Variants in RPN2 observed in about 807,000 individuals in gnomAD.
The protein encoded by RPN2 is dolichyl-diphosphooligosaccharide--protein glycosyltransferase subunit 2.
In RPN2, 29 loss-of-function variants were observed where a neutral mutation model predicts 71.4. That is an observed-to-expected ratio of 0.41 (90% CI 0.30 to 0.55). RPN2 has a LOEUF of 0.55. Among genes scored for constraint, RPN2 ranks in the 20% least tolerant of loss-of-function variants. The pLI, the probability that RPN2 is intolerant of heterozygous loss-of-function variation, is 0.35. For synonymous variants in RPN2, 308 were observed against 305.0 expected (o/e 1.01, Z -0.10); for missense variants, 726 against 774.1 (o/e 0.94, Z 0.74).
At chr20:37,200,601 C>G (rs1159489063) in intron 4 of RPN2, 1 of 470,660 alleles carries the variant, frequency 2.1e-6, no homozygotes, top group African/African-American at 2.0e-5. Context: ...AAACTTAAAG[C>G]TTTGTTAAGG....
At chr20:37,224,379 T>C (rs1568992157) in intron 10 of RPN2, among the ~76,000 whole-genome samples, 1 of 152,222 alleles carries the variant, frequency 6.6e-6, no homozygotes. Context: ...ATCACAGTCC[T>C]GAATTTGCTT....
intron 6 of RPN2, among the ~76,000 whole-genome samples, chr20:37,205,120 C>G (rs1263338405): frequency 6.6e-6 from 1 of 152,140 alleles, no homozygotes; most frequent in African/African-American, 2.4e-5. Context: ...ACCATGCTTG[C>G]TTTAAATGGG....
At chr20:37,234,184 A>C (rs207477545) in intron 15 of RPN2, 89 bp downstream of exon 15, 7 of 1,220,652 alleles carry the variant, frequency 5.7e-6, no homozygotes, top group Non-Finnish European at 8.3e-6. Flanking sequence ...CCCACAACCT[A>C]TTACCTATAA....
At chr20:37,221,075 T>C (rs2067943248) in intron 9 of RPN2, among the ~76,000 whole-genome samples, 2 of 152,316 alleles carry the variant, frequency 1.3e-5, no homozygotes, top group East Asian at 3.9e-4. Flanking sequence ...GGATCCTGAT[T>C]AGCTGGCCTT....
intron 11 of RPN2, among the ~76,000 whole-genome samples, chr20:37,227,268 A>G (rs944249896): frequency 1.3e-5 from 2 of 152,228 alleles, no homozygotes; most frequent in South Asian, 2.1e-4. Flanking sequence ...AAGAGAAGAA[A>G]GTAAAAGACT....
chr20:37,216,118 C>T (rs1049795956), intron 9 of RPN2, among the ~76,000 whole-genome samples: 1 of 152,188 alleles, frequency 6.6e-6, no homozygotes, highest in Non-Finnish European at 1.5e-5. Flanking sequence ...GCAGGCGGAT[C>T]ACCTGAGGTC....
At position 37,241,409 on chromosome 20, in the gene RPN2, CTT is replaced by C. The variant is rs1234395652; in HGVS notation, c.*96_*97del. ...TGAGAAGAAAAATGGAAAAAAAAAA[CTT>C]TATTTAAAAAAGAAAAAAGTCCAGA... On this transcript the variant is annotated 3_prime_UTR_variant, in exon 17 of 17. Coordinates refer to ENST00000237530, the MANE Select transcript of RPN2 (RefSeq NM_002951.5). 4.2e-6 allele frequency: 6 copies of C among 1,418,528 alleles called. No individual in the cohort carries two copies. In the South Asian group the frequency reaches 5.2e-5, roughly 12 times the overall value. 87.9% of individuals were successfully genotyped at this position (1,418,528 alleles called of 1,614,324 possible).
Position 37,229,826 on chromosome 20 carries a change from A to G in RPN2, c.1495-147A>G, listed in dbSNP as rs1021717192. On this transcript the variant is annotated intron_variant, in intron 12 of 16. Transcript: ENST00000237530. Reference sequence around the variant, plus strand: ...TGTTCTTAAAGTTTTTACTGCCTCAATTTGTCAGCTAATGGATCAGAAGTG... The same window carrying G: ...TGTTCTTAAAGTTTTTACTGCCTCAGTTTGTCAGCTAATGGATCAGAAGTG... 66 of 707,152 alleles carry G rather than the reference A, an allele frequency of 9.3e-5. 1 individual carries two copies. Among genetic ancestry groups the G allele is most frequent in the Middle Eastern group, 3.7e-4 (1 of 2,718 alleles). The allele number at this position is 707,152 out of a possible 1,614,324, so 43.8% of individuals were successfully genotyped here.
chr20:37,184,150 G>C (rs1568957924), intron 1 of RPN2, 30 bp from the exon 2 acceptor site: 1 of 1,612,824 alleles, frequency 6.2e-7, no homozygotes, highest in Non-Finnish European at 8.5e-7. Flanking sequence ...GAAGAGTGTA[G>C]AGTGTACTGA....
intron 9 of RPN2, among the ~76,000 whole-genome samples, chr20:37,217,272 A>ATAT (rs751816144): frequency 0.011 from 992 of 89,020 alleles, 5 homozygotes; most frequent in African/African-American, 0.027. Context: ...TGAAAACTAA[A>ATAT]TATTATTATT....
At chr20:37,211,909 C>G (rs1328854897) in intron 8 of RPN2, among the ~76,000 whole-genome samples, 1 of 151,168 alleles carries the variant, frequency 6.6e-6, no homozygotes, top group African/African-American at 2.4e-5. Context: ...GGCTAATTTT[C>G]GTATTTTCGG....
intron 4 of RPN2, among the ~76,000 whole-genome samples, chr20:37,202,865 C>T (rs1404166427): frequency 6.6e-6 from 1 of 152,136 alleles, no homozygotes; most frequent in East Asian, 1.9e-4. Flanking sequence ...AGAGATAGAA[C>T]ATAGATTGCT....
At chr20:37,240,909 T>TC (rs1162109209) in intron 16 of RPN2, among the ~76,000 whole-genome samples, 1 of 152,178 alleles carries the variant, frequency 6.6e-6, no homozygotes, top group Non-Finnish European at 1.5e-5. Flanking sequence ...AGAGCTGGAG[T>TC]CTGGGAGATT....
At chr20:37,202,531 A>G (rs556873664) in intron 4 of RPN2, among the ~76,000 whole-genome samples, 1 of 152,208 alleles carries the variant, frequency 6.6e-6, no homozygotes, top group Non-Finnish European at 1.5e-5. Flanking sequence ...TGGAAGCAGC[A>G]ATCTGTTTAA....
intron 9 of RPN2, among the ~76,000 whole-genome samples, chr20:37,220,051 C>G (rs2067913173): frequency 6.6e-6 from 1 of 152,126 alleles, no homozygotes; most frequent in African/African-American, 2.4e-5. Flanking sequence ...GCAGAAATGG[C>G]TAATAGCTCT....
At position 37,221,947 on chromosome 20, in the gene RPN2, C is replaced by T. The variant is rs116040878; in HGVS notation, c.1093-1931C>T. On this transcript the variant is annotated intron_variant, in intron 9 of 16. Transcript: ENST00000237530. ...GTTTATTATAATTATGGTTTGTGTA[C>T]GGGACAGGAAGGATTTCTTGCCATC... 3.7e-3 allele frequency among the ~76,000 whole-genome samples: 560 copies of T among 152,308 alleles called. 2 individuals carry two copies. The highest frequency in any genetic ancestry group is 0.013 in the African/African-American group (520 of 41,574).
intron 2 of RPN2, among the ~76,000 whole-genome samples, chr20:37,185,712 C>T (rs1480193216): frequency 2.6e-5 from 4 of 151,066 alleles, no homozygotes; most frequent in Non-Finnish European, 5.9e-5. Context: ...ACTATAACCT[C>T]GAACTCCTGG....
chr20:37,209,127 T>C (rs2067591720), intron 7 of RPN2, among the ~76,000 whole-genome samples: 1 of 152,246 alleles, frequency 6.6e-6, no homozygotes, highest in Admixed American at 6.5e-5. Context: ...CCTTAACCTC[T>C]TGTGGCTTGT....
rs138092888 is a variant in RPN2, at chr20:37,180,576, G to A, written c.13+1207G>A. Among the ~76,000 whole-genome samples, 3 of 152,246 alleles carry A rather than the reference G, an allele frequency of 2.0e-5. No homozygotes were observed. In the East Asian group the frequency reaches 5.8e-4, roughly 29 times the overall value. On this transcript the variant is annotated intron_variant, in intron 1 of 16. Transcript: ENST00000237530. ...CGGTCTAGGTGGGAAAATGCTAGTC[G>A]CAGCCATTCACTAGATCTTCATATA...
Sources: gnomAD v4.1 joint callset for allele counts (sites outside exome capture counted in the v4.1 genomes callset) on GRCh38, gnomAD v4.1.1 for gene constraint, MANE v1.5 for transcripts, NCBI Gene and HGNC (gene_info 2026-07-23, HGNC 2026-07-21) for gene names.